AMZ1: variants seen among roughly 807,000 people sequenced by gnomAD.
AMZ1 encodes archaelysin family metallopeptidase 1.
In AMZ1, 39 loss-of-function variants were observed where a neutral mutation model predicts 29.9. The observed-to-expected ratio is 1.30, with a 90% CI of 1.01 to 1.70. AMZ1 has a LOEUF of 1.70. AMZ1 is among the 40% of genes most tolerant of loss of function. The probability of loss-of-function intolerance (pLI) is 0.00; values close to 1 mark genes in which losing one functional copy is unlikely to be tolerated. For missense variants in AMZ1, 1,041 were observed against 680.6 expected (o/e 1.53, Z -5.89); for synonymous variants, 458 against 304.0 (o/e 1.51, Z -5.27).
intron 3 of AMZ1, among the ~76,000 whole-genome samples, chr7:2,707,818 C>CTTTT (rs60848680): frequency 6.6e-4 from 63 of 95,328 alleles, no homozygotes; most frequent in Middle Eastern, 0.013. Flanking sequence ...CTAACGAGGG[C>CTTTT]TTTTTTTTTT....
At chr7:2,722,333 C>T (rs948056006), downstream of AMZ1, among the ~76,000 whole-genome samples, 32 of 151,394 alleles carry the variant, frequency 2.1e-4, no homozygotes, top group Admixed American at 8.5e-4. Context: ...AGTGCAGTGG[C>T]GCGATCTCGG....
chr7:2,697,898 G>C (rs561414932), intron 1 of AMZ1, among the ~76,000 whole-genome samples: 10 of 152,236 alleles, frequency 6.6e-5, no homozygotes, highest in African/African-American at 2.2e-4. Context: ...TTCAGTACCA[G>C]CCCCTCCCCT....
chr7:2,737,278 TTTTTTTTTTTG>T lies in AMZ1; in HGVS notation n.551-27423_551-27413del, dbSNP rs1314349541. On this transcript the variant is annotated intron_variant and non_coding_transcript_variant, in intron 4 of 4. Transcript: ENST00000489665. ...GCTATCTCACAGTTTTGTTTTGTTT[TTTTTTTTTTTG>T]TTTTTTTTTTTTTTTTTGAGATGGA... Among the ~76,000 whole-genome samples, 667 of 71,436 alleles carry T rather than the reference TTTTTTTTTTTG, an allele frequency of 9.3e-3. 35 individuals carry two copies. The highest frequency in any genetic ancestry group is 0.033 in the African/African-American group (581 of 17,466). The allele number at this position is 71,436 out of a possible 152,430, so 46.9% of individuals were successfully genotyped here. A position where few individuals can be genotyped will look rare whatever the true frequency, so the allele number is the denominator to read the frequency against.
downstream of AMZ1, among the ~76,000 whole-genome samples, chr7:2,723,085 C>T (rs1789487660): frequency 6.6e-6 from 1 of 152,096 alleles, no homozygotes. Context: ...GTTGTACAAC[C>T]TGTGAGTGGT....
At chr7:2,696,182 T>C (rs1306470656) in intron 1 of AMZ1, among the ~76,000 whole-genome samples, 1 of 151,764 alleles carries the variant, frequency 6.6e-6, no homozygotes, top group East Asian at 1.9e-4. Flanking sequence ...GGACAAAAAC[T>C]GCACCCACTT....
intron 3 of AMZ1, among the ~76,000 whole-genome samples, 157 bp from the exon 4 acceptor site, chr7:2,708,431 G>C (rs960170436): frequency 1.3e-5 from 2 of 152,158 alleles, no homozygotes; most frequent in Middle Eastern, 3.2e-3. Flanking sequence ...GCAGTACTGT[G>C]TGCCCTCAGG....
intron 1 of AMZ1, among the ~76,000 whole-genome samples, chr7:2,698,264 G>C (rs540108511): frequency 4.6e-5 from 7 of 152,162 alleles, no homozygotes; most frequent in East Asian, 1.9e-4. Flanking sequence ...CCAAACAGGC[G>C]TGGTGGCTCA....
chr7:2,690,684 CTG>C (rs916057828), intron 1 of AMZ1, among the ~76,000 whole-genome samples: 5 of 152,172 alleles, frequency 3.3e-5, no homozygotes, highest in South Asian at 4.1e-4. Flanking sequence ...CGTGGCTCCT[CTG>C]TGCGTGTGCT....
chr7:2,751,242 C>T (rs929818619), intron 4 of AMZ1, among the ~76,000 whole-genome samples: 6 of 151,778 alleles, frequency 4.0e-5, no homozygotes, highest in South Asian at 2.1e-4. Flanking sequence ...CAAAGTTAGC[C>T]GAGTATGTTG....
At chr7:2,740,331 G>A (rs1469246642) in intron 4 of AMZ1, among the ~76,000 whole-genome samples, 1 of 152,098 alleles carries the variant, frequency 6.6e-6, no homozygotes, top group Non-Finnish European at 1.5e-5. Flanking sequence ...ACTGAAGGTA[G>A]GGACCTCATG....
intron 4 of AMZ1, among the ~76,000 whole-genome samples, chr7:2,740,957 A>G (rs1583218240): frequency 6.6e-6 from 1 of 152,170 alleles, no homozygotes; most frequent in Non-Finnish European, 1.5e-5. Flanking sequence ...AGGCAGAAGA[A>G]TGGTGTGAAC....
intron 4 of AMZ1, among the ~76,000 whole-genome samples, chr7:2,740,404 G>A (rs1243987163): frequency 1.3e-5 from 2 of 152,234 alleles, no homozygotes; most frequent in South Asian, 2.1e-4. Flanking sequence ...TCCTATGTGA[G>A]GCACCAGGAC....
At chr7:2,680,589 AC>A (rs1786847609) in intron 1 of AMZ1, among the ~76,000 whole-genome samples, 1 of 151,758 alleles carries the variant, frequency 6.6e-6, no homozygotes, top group Non-Finnish European at 1.5e-5. Context: ...CCTCATTTTC[AC>A]CCCCGACCCC....
intron 4 of AMZ1, among the ~76,000 whole-genome samples, chr7:2,745,926 C>A (rs1790741916): frequency 6.6e-6 from 1 of 152,054 alleles, no homozygotes; most frequent in Non-Finnish European, 1.5e-5. Context: ...ACAAAGAAGG[C>A]CATTACATAA....
chr7:2,737,561 T>G (rs895787082), intron 4 of AMZ1, among the ~76,000 whole-genome samples: 7 of 152,176 alleles, frequency 4.6e-5, no homozygotes, highest in Non-Finnish European at 8.8e-5. Flanking sequence ...AGTGCTGGGA[T>G]TACAGGCGTG....
intron 4 of AMZ1, among the ~76,000 whole-genome samples, chr7:2,756,523 G>A (rs1477773387): frequency 6.6e-6 from 1 of 151,678 alleles, no homozygotes; most frequent in East Asian, 2.0e-4. Flanking sequence ...GCTGAGGCAG[G>A]AAGATCTCTT....
intron 4 of AMZ1, among the ~76,000 whole-genome samples, chr7:2,755,803 G>A (rs1446886704): frequency 2.0e-5 from 3 of 152,140 alleles, no homozygotes; most frequent in African/African-American, 4.8e-5. Context: ...GAAAACTGAA[G>A]AACACTTGGG....
In AMZ1 at chr7:2,733,543, G is replaced by A. The variant is rs1163156416; in HGVS notation, n.550+23727G>A. 3.3e-6 allele frequency: 5 copies of A among 1,521,752 alleles called. No individual in the cohort carries two copies. In the Admixed American group the frequency reaches 5.0e-5, roughly 15 times the overall value. 94.3% of individuals were successfully genotyped at this position (1,521,752 alleles called of 1,614,324 possible). A position where few individuals can be genotyped will look rare whatever the true frequency, so the allele number is the denominator to read the frequency against. ...ATATTCACAGCTCAGTCTGGACTGA[G>A]GAATCCTGATGTGGCAAATACAAGA... On this transcript the variant is annotated intron_variant and non_coding_transcript_variant, in intron 4 of 4. Coordinates refer to the AMZ1 transcript ENST00000489665.
chr7:2,705,204 G>A (rs575363069), intron 3 of AMZ1, among the ~76,000 whole-genome samples: 1 of 152,338 alleles, frequency 6.6e-6, no homozygotes, highest in African/African-American at 2.4e-5. Flanking sequence ...AGGGCTGACT[G>A]TGGGACAAAG....
Sources: gnomAD v4.1 joint callset for allele counts (sites outside exome capture counted in the v4.1 genomes callset) on GRCh38, gnomAD v4.1.1 for gene constraint, MANE v1.5 for transcripts, NCBI Gene and HGNC (gene_info 2026-07-23, HGNC 2026-07-21) for gene names.